SLC17A8: variants seen among roughly 807,000 people sequenced by gnomAD.
SLC17A8 encodes solute carrier family 17 member 8, also known as vesicular glutamate transporter 3.
A neutral mutation model predicts 58.0 loss-of-function variants in SLC17A8; 31 were observed. The observed-to-expected ratio is 0.53, with a 90% CI of 0.40 to 0.72. The LOEUF is 0.72. Among genes scored for constraint, SLC17A8 ranks in the 30% least tolerant of loss-of-function variants. SLC17A8 has a pLI of 0.00. For missense variants in SLC17A8, 655 were observed against 727.8 expected (o/e 0.90, Z 1.15); for synonymous variants, 228 against 249.0 (o/e 0.92, Z 0.79).
At chr12:100,395,849 G>A (rs2135998921) in intron 4 of SLC17A8, among the ~76,000 whole-genome samples, 1 of 152,332 alleles carries the variant, frequency 6.6e-6, no homozygotes, top group South Asian at 2.1e-4. Context: ...CTGGCTTCAA[G>A]TGATCCACCC....
At chr12:100,390,489 G>A (rs1448314291) in intron 2 of SLC17A8, among the ~76,000 whole-genome samples, 2 of 151,800 alleles carry the variant, frequency 1.3e-5, no homozygotes, top group African/African-American at 4.8e-5. Context: ...TGGGAGTACA[G>A]GTGCCCGCCA....
At chr12:100,412,956 T>C in intron 10 of SLC17A8, 76 bp downstream of exon 10, 1 of 1,150,966 alleles carries the variant, frequency 8.7e-7, no homozygotes, top group African/African-American at 1.5e-5. Flanking sequence ...ACAAGGATAT[T>C]GTAGCACCTT....
Position 100,393,436 on chromosome 12 carries a change from C to T in SLC17A8, c.541C>T (p.His181Tyr). ...NMFIPSAARVHYGCVMCVRIL... is the reference protein window; with the variant it reads ...NMFIPSAARVYYGCVMCVRIL... ...GTTTATTCCCTCTGCAGCCAGAGTG[C>T]ATTACGGATGCGTCATGTGTGTCAG... is the stretch of plus-strand genomic sequence containing the variant. Residue 181 changes from histidine (H) to tyrosine (Y), a missense_variant, in exon 4 of 12, where the codon CAT becomes TAT. By Grantham distance (83) the His-to-Tyr change is moderately conservative. Coordinates refer to ENST00000323346, the MANE Select transcript of SLC17A8 (RefSeq NM_139319.3). 6.2e-7 allele frequency: 1 copy of T among 1,613,766 alleles called. No homozygotes were observed. Among genetic ancestry groups the T allele is most frequent in the Non-Finnish European group, 8.5e-7 (1 of 1,179,758 alleles).
intron 2 of SLC17A8, among the ~76,000 whole-genome samples, chr12:100,390,096 C>T (rs1952704558): frequency 6.6e-6 from 1 of 152,044 alleles, no homozygotes; most frequent in Non-Finnish European, 1.5e-5. Flanking sequence ...GCTGGGATTA[C>T]AGGCGTGAGC....
At chr12:100,393,939 G>C (rs1952734002) in intron 4 of SLC17A8, among the ~76,000 whole-genome samples, 1 of 152,156 alleles carries the variant, frequency 6.6e-6, no homozygotes, top group Non-Finnish European at 1.5e-5. Context: ...GCCTTACAGT[G>C]TCTGTTGCAT....
chr12:100,418,288 C>A, intron 11 of SLC17A8, 132 bp downstream of exon 11: 1 of 1,002,604 alleles, frequency 1.0e-6, no homozygotes, highest in Non-Finnish European at 1.5e-6. Flanking sequence ...AGCTGAACTT[C>A]TTTTTTTTTT....
At chr12:100,408,478 T>G (rs34575630) in intron 9 of SLC17A8, among the ~76,000 whole-genome samples, 70,571 of 151,950 alleles carry the variant, frequency 0.46, 16,822 homozygotes, top group Non-Finnish European at 0.5. Context: ...GTTTTTCTTG[T>G]CAACTCTAAA....
intron 4 of SLC17A8, 83 bp from the exon 5 acceptor site, chr12:100,396,247 G>C (rs1224881946): frequency 6.5e-6 from 7 of 1,082,078 alleles, no homozygotes; most frequent in Non-Finnish European, 1.0e-5. Flanking sequence ...ATTGTAGCCT[G>C]TGTGAAGAAG....
At chr12:100,403,986 GC>G (rs1353370444) in intron 8 of SLC17A8, 51 bp from the exon 9 acceptor site, 2 of 1,610,478 alleles carry the variant, frequency 1.2e-6, no homozygotes, top group African/African-American at 2.7e-5. Context: ...AATTAGGGAG[GC>G]CCCTCTCTCA....
At chr12:100,376,614 T>C (rs1398915126) in intron 1 of SLC17A8, among the ~76,000 whole-genome samples, 1 of 152,174 alleles carries the variant, frequency 6.6e-6, no homozygotes, top group Non-Finnish European at 1.5e-5. Flanking sequence ...GAGTATTAGA[T>C]TTCCCATGTC....
intron 10 of SLC17A8, among the ~76,000 whole-genome samples, chr12:100,415,882 T>A (rs1033035761): frequency 1.3e-5 from 2 of 152,178 alleles, no homozygotes; most frequent in African/African-American, 4.8e-5. Flanking sequence ...GGTCTGTTGG[T>A]CCCAGCAATG....
intron 11 of SLC17A8, among the ~76,000 whole-genome samples, chr12:100,419,570 C>T (rs1009148798): frequency 2.6e-5 from 4 of 151,586 alleles, no homozygotes; most frequent in South Asian, 2.1e-4. Flanking sequence ...TAAAAAAATA[C>T]GTATTTATTG....
intron 1 of SLC17A8, among the ~76,000 whole-genome samples, chr12:100,358,863 C>T (rs1323335274): frequency 6.6e-6 from 1 of 152,132 alleles, no homozygotes; most frequent in Non-Finnish European, 1.5e-5. Context: ...AACCATAGGC[C>T]GGGCGCAGTG....
intron 5 of SLC17A8, among the ~76,000 whole-genome samples, chr12:100,399,152 G>A (rs1383819042): frequency 5.9e-5 from 9 of 152,146 alleles, no homozygotes; most frequent in Non-Finnish European, 1.3e-4. Context: ...CAGCTAGTGA[G>A]GGCCGAACCG....
chr12:100,393,243 T>A, intron 3 of SLC17A8, 126 bp from the exon 4 acceptor site: 2 of 681,828 alleles, frequency 2.9e-6, no homozygotes, highest in Non-Finnish European at 5.3e-6. Flanking sequence ...GGATTACAGG[T>A]ACGATCTTTC....
At chr12:100,363,707 G>A (rs1327864794) in intron 1 of SLC17A8, among the ~76,000 whole-genome samples, 4 of 151,918 alleles carry the variant, frequency 2.6e-5, no homozygotes, top group Non-Finnish European at 4.4e-5. Context: ...CCCTCCCAGG[G>A]TTTCATCTCC....
chr12:100,369,453 T>C (rs1029236840), intron 1 of SLC17A8, among the ~76,000 whole-genome samples: 2 of 152,220 alleles, frequency 1.3e-5, no homozygotes, highest in Middle Eastern at 3.2e-3. Context: ...ATTATATTGA[T>C]GACTTGTTCC....
At chr12:100,416,420 AG>A (rs1952906854) in intron 10 of SLC17A8, among the ~76,000 whole-genome samples, 1 of 152,226 alleles carries the variant, frequency 6.6e-6, no homozygotes, top group South Asian at 2.1e-4. Context: ...CTGAAAGATA[AG>A]GTATGTTTAT....
intron 9 of SLC17A8, 193 bp downstream of exon 9, chr12:100,404,363 A>G (rs918335112): frequency 1.5e-6 from 1 of 648,370 alleles, no homozygotes; most frequent in East Asian, 2.8e-5. Context: ...GGACCTTTCC[A>G]TACATCCTTC....
Sources: allele counts gnomAD v4.1 joint callset (sites outside exome capture counted in the v4.1 genomes callset), GRCh38; gene constraint gnomAD v4.1.1; transcripts MANE v1.5; gene names NCBI Gene and HGNC (gene_info 2026-07-23, HGNC 2026-07-21).